Variants in RAE1 observed in about 807,000 individuals in gnomAD.
RAE1 encodes mRNA export factor RAE1.
Under a neutral mutation model 52.7 loss-of-function variants are expected in RAE1, and 13 were observed. The ratio of observed to expected loss-of-function variants is 0.25; its 90% CI spans 0.16 to 0.39. RAE1 has a LOEUF of 0.39. RAE1 is among the 10% of genes least tolerant of loss of function. The pLI is 1.00. For synonymous variants in RAE1, 164 were observed against 153.1 expected, an observed-to-expected ratio of 1.07 and a Z score of -0.52; for missense variants, 262 against 459.8, an observed-to-expected ratio of 0.57 and a Z score of 3.93.
At chr20:57,377,537 C>A (rs1346546531) in intron 11 of RAE1, among the ~76,000 whole-genome samples, 1 of 152,218 alleles carries the variant, frequency 6.6e-6, no homozygotes, top group Non-Finnish European at 1.5e-5. Context: ...CCGCACACGC[C>A]TCTGGCTCAC....
intron 10 of RAE1, among the ~76,000 whole-genome samples, 187 bp downstream of exon 10, chr20:57,373,925 G>T (rs2067073472): frequency 6.6e-6 from 1 of 152,144 alleles, no homozygotes; most frequent in Non-Finnish European, 1.5e-5. Flanking sequence ...AGACGGAGTC[G>T]CTCTGTCGCC....
rs528553863 is a variant in RAE1, at chr20:57,352,244, G to C, written c.-8+822G>C. 7.2e-4 allele frequency among the ~76,000 whole-genome samples: 109 copies of C among 152,238 alleles called. 1 individual carries two copies. Among genetic ancestry groups the C allele is most frequent in the Non-Finnish European group, 9.0e-4 (61 of 68,046 alleles). ...TTATGCAGTTGCGTAAACATGGCAA[G>C]TTCAAATTTGGGACATTTTCATCAC... is the stretch of plus-strand genomic sequence containing the variant. On this transcript the variant is annotated intron_variant, in intron 1 of 11. Transcript: ENST00000395841.
intron 1 of RAE1, among the ~76,000 whole-genome samples, chr20:57,353,241 A>G (rs2066736595): frequency 6.6e-6 from 1 of 152,202 alleles, no homozygotes; most frequent in Non-Finnish European, 1.5e-5. Context: ...CCCACTATGA[A>G]CTAGATACTG....
At chr20:57,369,617 T>G (rs78525966) in intron 8 of RAE1, among the ~76,000 whole-genome samples, 2,482 of 152,336 alleles carry the variant, frequency 0.016, 80 homozygotes, top group African/African-American at 0.056. Context: ...AGAATAAAAT[T>G]ACACATCTGG....
Position 57,374,800 on chromosome 20 carries a change from A to G in RAE1, c.1019A>G (p.Lys340Arg). The G allele has an allele frequency of 6.2e-7, 1 of 1,614,182 alleles. No homozygotes were observed. The highest frequency in any genetic ancestry group is 8.5e-7 in the Non-Finnish European group (1 of 1,180,032). Residue 340 changes from lysine to arginine, a missense_variant and splice_region_variant, in exon 11 of 12, where the codon AAG (lysine) becomes AGG (arginine). Lys to Arg is a conservative substitution (Grantham distance 26). Transcript: ENST00000395841. The stretch of plus-strand genomic sequence containing the variant: ...TACGCTTCCAGCTACGACTGGTCAA[A>G]GGTGAGAACTCCCGGGCCTGCTCTG... ...FAYASSYDWS[K>R]GHEFYNPQKK... is the part of the protein sequence containing the mutation.
At chr20:57,354,850 ATCTC>A in intron 3 of RAE1, 34 bp downstream of exon 3, 1 of 1,487,870 alleles carries the variant, frequency 6.7e-7, no homozygotes. Context: ...TCTAGAAATC[ATCTC>A]TCTTTGTATG....
At position 57,354,849 on chromosome 20, in the gene RAE1, C is replaced by T. The variant is rs745531365; in HGVS notation, c.195+33C>T. On this transcript the variant is annotated intron_variant, in intron 3 of 11. Transcript: ENST00000395841. ...CTCCTTAAATACGTGTTCTAGAAAT[C>T]ATCTCTCTTTGTATGGCCAAGGTTA... The T allele has an allele frequency of 2.7e-6, 4 of 1,487,456 alleles. No homozygotes were observed. The South Asian group carries it at 3.8e-5, about 14-fold the overall frequency. 92.1% of individuals were successfully genotyped at this position (1,487,456 alleles called of 1,614,324 possible). A position where few individuals can be genotyped will look rare whatever the true frequency, so the allele number is the denominator to read the frequency against.
At chr20:57,362,814 T>C (rs1195452386) in intron 4 of RAE1, among the ~76,000 whole-genome samples, 1 of 152,198 alleles carries the variant, frequency 6.6e-6, no homozygotes, top group Non-Finnish European at 1.5e-5. Flanking sequence ...TTTTGAGTGT[T>C]GCTCTGTAGC....
intron 10 of RAE1, among the ~76,000 whole-genome samples, chr20:57,373,999 T>C (rs781547058): frequency 6.6e-6 from 1 of 152,190 alleles, no homozygotes; most frequent in African/African-American, 2.4e-5. Flanking sequence ...GTTCAAGCGA[T>C]TCTCCTGCCT....
intron 8 of RAE1, chr20:57,372,935 G>C (rs1428438303): frequency 1.9e-5 from 3 of 153,890 alleles, no homozygotes; most frequent in Non-Finnish European, 2.9e-5. Flanking sequence ...GGGTTCTTCT[G>C]TAGAATAGAG....
At chr20:57,361,423 G>T (rs1359404848) in intron 4 of RAE1, among the ~76,000 whole-genome samples, 9 of 152,244 alleles carry the variant, frequency 5.9e-5, no homozygotes, top group Middle Eastern at 6.8e-3. Flanking sequence ...GCTCTGACTG[G>T]GTTGCATTTT....
intron 11 of RAE1, among the ~76,000 whole-genome samples, chr20:57,376,819 C>T (rs546337217): frequency 1.3e-5 from 2 of 152,200 alleles, no homozygotes; most frequent in African/African-American, 2.4e-5. Flanking sequence ...TTAAATGACG[C>T]GGGACTCTAT....
intron 8 of RAE1, chr20:57,372,854 G>T (rs2067056245): frequency 6.6e-6 from 1 of 152,494 alleles, no homozygotes; most frequent in African/African-American, 2.4e-5. Context: ...GGAGGAAGTG[G>T]TAACTCCAAA....
chr20:57,370,894 C>T (rs543614256), intron 8 of RAE1, among the ~76,000 whole-genome samples: 2 of 152,270 alleles, frequency 1.3e-5, no homozygotes, highest in East Asian at 1.9e-4. Flanking sequence ...GAACCTGCCC[C>T]TCTCGGCCAC....
intron 3 of RAE1, among the ~76,000 whole-genome samples, chr20:57,355,028 C>T (rs1003234542): frequency 2.0e-5 from 3 of 152,154 alleles, no homozygotes; most frequent in African/African-American, 7.2e-5. Flanking sequence ...ATGTGTTGCT[C>T]GAAATTTTCT....
chr20:57,356,548 C>T lies in RAE1; in HGVS notation c.288+10C>T, dbSNP rs2066790310. On this transcript the variant is annotated intron_variant, in intron 4 of 11. Coordinates refer to ENST00000395841, the MANE Select transcript of RAE1 (RefSeq NM_003610.4). ...TGTCTGCTGGAGTGACGTACGTTCC[C>T]TTCCATTTCTCGTGTTCCATTTTAC... 3 of 1,599,572 alleles carry T rather than the reference C, an allele frequency of 1.9e-6. No homozygotes were observed. Among genetic ancestry groups the T allele is most frequent in the African/African-American group, 1.3e-5 (1 of 74,750 alleles).
At chr20:57,362,049 G>C (rs2066898819) in intron 4 of RAE1, among the ~76,000 whole-genome samples, 1 of 152,206 alleles carries the variant, frequency 6.6e-6, no homozygotes, top group Non-Finnish European at 1.5e-5. Context: ...TTCCTTATGA[G>C]AATCTAATGC....
chr20:57,366,593 A>G lies in RAE1; in HGVS notation c.376-214A>G, dbSNP rs115305351. Among the ~76,000 whole-genome samples the G allele has an allele frequency of 4.3e-3, 660 of 152,300 alleles. 7 individuals are homozygous for G. The highest frequency in any genetic ancestry group is 0.015 in the African/African-American group (611 of 41,568). ...ACATCTCCCACCAGGCCCCACCTTC[A>G]ACACTGGGGATTACATCTCAACATG... is the stretch of plus-strand genomic sequence containing the variant. On this transcript the variant is annotated intron_variant, in intron 5 of 11. Transcript: ENST00000395841.
chr20:57,354,794 T>C lies in RAE1; in HGVS notation c.173T>C (p.Ile58Thr). 1 of 1,603,886 alleles carries C rather than the reference T, an allele frequency of 6.2e-7. No individual in the cohort carries two copies. The highest frequency in any genetic ancestry group is 8.5e-7 in the Non-Finnish European group (1 of 1,175,502). Reference protein sequence around the residue: ...SPPTLPGNFLIAGSWANDVRC... With the variant: ...SPPTLPGNFLTAGSWANDVRC... ...CCAACCTTGCCGGGGAACTTTCTTA[T>C]TGCAGGATCATGGGCTAATGATGTA... The change falls in exon 3 of 12, where the codon ATT becomes ACT. Residue 58 changes from isoleucine to threonine, a missense_variant. Coordinates refer to ENST00000395841, the MANE Select transcript of RAE1 (RefSeq NM_003610.4).
Sources: gnomAD v4.1 joint callset for allele counts (sites outside exome capture counted in the v4.1 genomes callset) on GRCh38, gnomAD v4.1.1 for gene constraint, MANE v1.5 for transcripts, NCBI Gene and HGNC (gene_info 2026-07-23, HGNC 2026-07-21) for gene names.